ROBO2: variants seen among roughly 807,000 people sequenced by gnomAD.
ROBO2 encodes roundabout guidance receptor 2.
ROBO2 carries 53 observed loss-of-function variants against 160.8 expected under a neutral mutation model. The ratio of observed to expected loss-of-function variants is 0.33; its 90% confidence interval spans 0.26 to 0.41. The LOEUF (loss-of-function observed/expected upper bound fraction) is 0.41. ROBO2 is among the 10% of genes least tolerant of loss of function. ROBO2 has a pLI of 1.00. For synonymous variants in ROBO2, 664 were observed against 611.7 expected (o/e 1.09, Z -1.26); for missense variants, 1,577 against 1,722.4 (o/e 0.92, Z 1.49).
intron 1 of ROBO2, among the ~76,000 whole-genome samples, chr3:77,052,020 A>G (rs2065275253): frequency 1.3e-5 from 2 of 152,178 alleles, no homozygotes; most frequent in Admixed American, 1.3e-4. Context: ...GCAAAAGAAC[A>G]TGTGTCTGCT....
intron 2 of ROBO2, among the ~76,000 whole-genome samples, chr3:77,104,401 T>A (rs977331112): frequency 6.6e-6 from 1 of 152,182 alleles, no homozygotes; most frequent in African/African-American, 2.4e-5. Flanking sequence ...TATTAGTACT[T>A]TATTCTTCAT....
chr3:77,181,624 C>A (rs2150851024), intron 2 of ROBO2, among the ~76,000 whole-genome samples: 2 of 152,050 alleles, frequency 1.3e-5, no homozygotes, highest in East Asian at 3.9e-4. Flanking sequence ...AATTAAAGAG[C>A]AGAGGAATTA....
rs576340903 is a variant in ROBO2, at chr3:76,616,122, G to A, written c.110-481892G>A. On this transcript the variant is annotated intron_variant, in intron 2 of 26. Transcript: ENST00000487694. The stretch of plus-strand genomic sequence containing the variant: ...ATGTTACATATTTCCAGTAACTATA[G>A]CTCAATGCCTTTTTAGAAAAATAAC... Among the ~76,000 whole-genome samples, 149 of 152,152 alleles carry A rather than the reference G, an allele frequency of 9.8e-4. 1 individual carries two copies. Among genetic ancestry groups the A allele is most frequent in the Non-Finnish European group, 1.5e-4 (10 of 68,032 alleles).
intron 2 of ROBO2, among the ~76,000 whole-genome samples, chr3:76,566,413 G>A (rs896080709): frequency 2.0e-5 from 3 of 152,130 alleles, no homozygotes; most frequent in African/African-American, 7.2e-5. Flanking sequence ...GGATTTCCTC[G>A]GGCTTCTGTG....
chr3:75,928,770 CGTGTGT>C (rs749009879), intron 1 of ROBO2, among the ~76,000 whole-genome samples: 3 of 151,002 alleles, frequency 2.0e-5, no homozygotes, highest in African/African-American at 7.3e-5. Context: ...CTGGTTAAGA[CGTGTGT>C]GTGTGTGTGA....
chr3:76,476,264 T>C (rs2078926222), intron 2 of ROBO2, among the ~76,000 whole-genome samples: 1 of 152,230 alleles, frequency 6.6e-6, no homozygotes, highest in Non-Finnish European at 1.5e-5. Flanking sequence ...TTGCCCTTTT[T>C]TCTTAAGTCT....
At chr3:77,255,378 T>G (rs547335772) in intron 2 of ROBO2, among the ~76,000 whole-genome samples, 1 of 152,220 alleles carries the variant, frequency 6.6e-6, no homozygotes, top group East Asian at 1.9e-4. Context: ...GCAGGGAATA[T>G]AGTAAAGCCC....
chr3:76,790,456 C>T (rs911648049), intron 2 of ROBO2, among the ~76,000 whole-genome samples: 3 of 151,596 alleles, frequency 2.0e-5, no homozygotes, highest in Admixed American at 6.6e-5. Flanking sequence ...GATGCTTCTC[C>T]ACTTAAAATG....
At chr3:76,486,596 A>C (rs1410805189) in intron 2 of ROBO2, among the ~76,000 whole-genome samples, 1 of 152,152 alleles carries the variant, frequency 6.6e-6, no homozygotes, top group Non-Finnish European at 1.5e-5. Context: ...TATATCTTTG[A>C]AATGTCTTAT....
chr3:77,472,386 T>A (rs1185230072), intron 2 of ROBO2, among the ~76,000 whole-genome samples: 2 of 152,178 alleles, frequency 1.3e-5, no homozygotes, highest in East Asian at 3.9e-4. Context: ...ATTACAGCAT[T>A]CAATACATAC....
intron 2 of ROBO2, among the ~76,000 whole-genome samples, chr3:77,227,878 GAC>G (rs1401477726): frequency 1.3e-5 from 2 of 152,204 alleles, no homozygotes; most frequent in Non-Finnish European, 2.9e-5. Context: ...TTTATTTTAT[GAC>G]GCTATTACCT....
intron 2 of ROBO2, among the ~76,000 whole-genome samples, chr3:76,290,356 G>T (rs1394207312): frequency 6.6e-6 from 1 of 152,024 alleles, no homozygotes; most frequent in Non-Finnish European, 1.5e-5. Context: ...GATGCTTTTT[G>T]TACATTGATT....
chr3:76,326,845 C>T (rs1030989464), intron 2 of ROBO2, among the ~76,000 whole-genome samples: 17 of 146,704 alleles, frequency 1.2e-4, no homozygotes, highest in Non-Finnish European at 1.5e-5. Context: ...GTTCAATTCC[C>T]ACCTATGAGT....
chr3:76,397,255 A>C (rs1035806212), intron 2 of ROBO2, among the ~76,000 whole-genome samples: 1 of 152,208 alleles, frequency 6.6e-6, no homozygotes, highest in Admixed American at 6.5e-5. Context: ...TGGTGCTGGG[A>C]AAACTGGCTA....
At chr3:77,325,635 C>G (rs534857029) in intron 2 of ROBO2, among the ~76,000 whole-genome samples, 1 of 152,218 alleles carries the variant, frequency 6.6e-6, no homozygotes, top group African/African-American at 2.4e-5. Flanking sequence ...ATAAAATGGC[C>G]ATCAAATTCT....
chr3:77,556,163 G>C (rs2093113551), intron 8 of ROBO2, among the ~76,000 whole-genome samples: 1 of 151,780 alleles, frequency 6.6e-6, no homozygotes, highest in Admixed American at 6.6e-5. Context: ...ATTACTCATA[G>C]TGTTTTGTTC....
intron 2 of ROBO2, among the ~76,000 whole-genome samples, chr3:77,252,533 C>T (rs377087722): frequency 2.6e-5 from 4 of 151,774 alleles, no homozygotes; most frequent in Non-Finnish European, 4.4e-5. Flanking sequence ...TAGAACCAGG[C>T]GCAGTGGCTC....
chr3:76,057,534 G>A (rs1204944459), intron 2 of ROBO2, among the ~76,000 whole-genome samples: 1 of 152,070 alleles, frequency 6.6e-6, no homozygotes, highest in African/African-American at 2.4e-5. Context: ...GCACACTTCT[G>A]CATTCGGAAT....
rs1294015797 is a variant in ROBO2 at position 77,339,762 on chromosome 3, T to TA, written c.389-137652_389-137651insA. On this transcript the variant is annotated intron_variant, in intron 2 of 25. Transcript: ENST00000461745. Reference sequence around the variant, plus strand: ...GGCTTTAGGCATTATAATATATATTTTAAAAAAAAAGAGTTGGAGTGGCTA... The same window carrying TA: ...GGCTTTAGGCATTATAATATATATTTATAAAAAAAAAGAGTTGGAGTGGCTA... Among the ~76,000 whole-genome samples the TA allele has an allele frequency of 1.1e-4, 17 of 150,948 alleles. 1 individual carries two copies. Among genetic ancestry groups the TA allele is most frequent in the African/African-American group, 4.0e-4 (16 of 40,440 alleles).
Sources: gnomAD v4.1 joint callset for allele counts (sites outside exome capture counted in the v4.1 genomes callset) on GRCh38, gnomAD v4.1.1 for gene constraint, MANE v1.5 for transcripts, NCBI Gene and HGNC (gene_info 2026-07-23, HGNC 2026-07-21) for gene names.